UNC13B: variants seen among roughly 807,000 people sequenced by gnomAD.
UNC13B encodes protein unc-13 homolog B.
A neutral mutation model predicts 211.0 loss-of-function variants in UNC13B; 144 were observed. The observed-to-expected ratio is 0.68, with a 90% confidence interval of 0.60 to 0.78. The LOEUF (loss-of-function observed/expected upper bound fraction) is 0.78, where lower values mean the gene tolerates loss of function less well. Among genes scored for constraint, UNC13B ranks in the 30% least tolerant of loss-of-function variants. The pLI is 0.00. For missense variants in UNC13B, 1,777 were observed against 2,002.0 expected, an observed-to-expected ratio of 0.89 and a Z score of 2.14; for synonymous variants, 709 against 725.8, an observed-to-expected ratio of 0.98 and a Z score of 0.37.
At chr9:35,313,709 T>C (rs1830308074) in intron 10 of UNC13B, among the ~76,000 whole-genome samples, 190 bp from the exon 11 acceptor site, 1 of 151,918 alleles carries the variant, frequency 6.6e-6, no homozygotes, top group Admixed American at 6.6e-5. Flanking sequence ...AAAGGAGTTA[T>C]CGTTTTAGAG....
intron 35 of UNC13B, 27 bp downstream of exon 35, chr9:35,399,475 C>A (rs1836136932): frequency 2.5e-6 from 4 of 1,613,934 alleles, no homozygotes; most frequent in Non-Finnish European, 8.5e-7. Context: ...GTCCTCCTGG[C>A]AGGTGTGGTC....
At chr9:35,320,698 A>G (rs1235587656) in intron 11 of UNC13B, among the ~76,000 whole-genome samples, 1 of 152,102 alleles carries the variant, frequency 6.6e-6, no homozygotes, top group East Asian at 1.9e-4. Context: ...GACTCTTTGC[A>G]TATTTTTTTC....
At chr9:35,324,846 A>C (rs576052662) in intron 11 of UNC13B, among the ~76,000 whole-genome samples, 1 of 152,256 alleles carries the variant, frequency 6.6e-6, no homozygotes, top group African/African-American at 2.4e-5. Context: ...CCTATCACCT[A>C]TATGTGGGTT....
intron 1 of UNC13B, among the ~76,000 whole-genome samples, chr9:35,210,001 A>T (rs920904882): frequency 1.3e-5 from 2 of 152,092 alleles, no homozygotes; most frequent in African/African-American, 4.8e-5. Context: ...CCACTTTGGG[A>T]GGCCAAGGTG....
At chr9:35,321,150 A>G (rs1830718453) in intron 11 of UNC13B, among the ~76,000 whole-genome samples, 1 of 152,130 alleles carries the variant, frequency 6.6e-6, no homozygotes. Flanking sequence ...TATTTTTGAA[A>G]ACATGATTTA....
intron 1 of UNC13B, among the ~76,000 whole-genome samples, chr9:35,216,579 T>C (rs983368865): frequency 1.3e-5 from 2 of 152,136 alleles, no homozygotes; most frequent in African/African-American, 2.4e-5. Context: ...ACAGAAACTT[T>C]TGGACAATAA....
intron 1 of UNC13B, among the ~76,000 whole-genome samples, chr9:35,169,681 A>G (rs767525627): frequency 3.3e-5 from 5 of 152,108 alleles, no homozygotes; most frequent in Non-Finnish European, 7.4e-5. Flanking sequence ...CAGGAAGTTG[A>G]TTGTGCTTTG....
chr9:35,378,481 G>A, intron 17 of UNC13B, 45 bp downstream of exon 17: 2 of 1,611,420 alleles, frequency 1.2e-6, no homozygotes, highest in South Asian at 1.1e-5. Flanking sequence ...GTGTGTATTG[G>A]GGGAGCAGGA....
In UNC13B at chr9:35,162,109, G is replaced by T. The variant is rs1024746207; in HGVS notation, c.-175G>T. ...ACCGCTACCCGGAGTTCGCTCAGAC[G>T]GTGAGATTTGGGGCGGGTCCGAGGC... is the stretch of plus-strand genomic sequence containing the variant. On this transcript the variant is annotated 5_prime_UTR_variant, in exon 1 of 40. Transcript: ENST00000635942. 12 of 954,852 alleles carry T rather than the reference G, an allele frequency of 1.3e-5. No homozygotes were observed. The Admixed American group carries it at 2.7e-4, about 21-fold the overall frequency. The allele number at this position is 954,852 out of a possible 1,614,324, so 59.1% of individuals were successfully genotyped here. A position where few individuals can be genotyped will look rare whatever the true frequency, so the allele number is the denominator to read the frequency against.
chr9:35,339,452 T>C (rs892064570), intron 11 of UNC13B, among the ~76,000 whole-genome samples: 1 of 152,250 alleles, frequency 6.6e-6, no homozygotes, highest in African/African-American at 2.4e-5. Flanking sequence ...TGAGGAGTCC[T>C]GATGTCCTTT....
intron 1 of UNC13B, among the ~76,000 whole-genome samples, chr9:35,177,966 C>A (rs1471682376): frequency 1.3e-5 from 2 of 152,174 alleles, no homozygotes; most frequent in East Asian, 3.8e-4. Context: ...AGAATAACAA[C>A]TTCTGGGGAG....
rs1278682701 is a variant in UNC13B at position 35,306,182 on chromosome 9, A to G, written c.6778A>G (p.Thr2260Ala). The G allele has an allele frequency of 2.5e-6, 1 of 398,916 alleles. No individual in the cohort carries two copies. Among genetic ancestry groups the G allele is most frequent in the African/African-American group, 2.1e-5 (1 of 48,624 alleles). The allele number at this position is 398,916 out of a possible 1,614,324, so 24.7% of individuals were successfully genotyped here. ...TTTTGTAGAGAGTGGTAGCACAATG[A>G]CCAGAGAAAGTTCCAGTGGTCATAG... ...NVFVESGSTM[T>A]RESSSGHRDS... is the part of the protein sequence containing the mutation. Residue 2260 changes from threonine to alanine, a missense_variant, in exon 9 of 40, where the codon ACC becomes GCC. Coordinates refer to ENST00000635942, the MANE Select transcript of UNC13B (RefSeq NM_001371189.2).
Position 35,304,486 on chromosome 9 carries a change from T to C in UNC13B, c.5082T>C (p.Asp1694=). ...TTAGTAATCATGTCTCAAGCAGAGA[T>C]CAAATTATAGAGAGAGATAAAAACC... ...QTISNHVSSR[D]QIIERDKNQP... Residue 1694 remains aspartate, a synonymous_variant, in exon 9 of 40, where the codon GAT becomes GAC. Transcript: ENST00000635942. The C allele has an allele frequency of 2.5e-6, 1 of 398,498 alleles. No individual in the cohort carries two copies. The highest frequency in any genetic ancestry group is 4.4e-6 in the Non-Finnish European group (1 of 225,824). 24.7% of individuals were successfully genotyped at this position (398,498 alleles called of 1,614,324 possible).
intron 7 of UNC13B, 128 bp from the exon 8 acceptor site, chr9:35,295,568 G>A: frequency 1.3e-6 from 1 of 777,864 alleles, no homozygotes; most frequent in South Asian, 1.8e-5. Flanking sequence ...TCGTCACTGG[G>A]CTCATGTGAA....
intron 9 of UNC13B, 87 bp from the exon 10 acceptor site, chr9:35,310,380 A>G: frequency 2.2e-6 from 3 of 1,362,862 alleles, no homozygotes; most frequent in Non-Finnish European, 3.0e-6. Context: ...CTACTAATGT[A>G]GTCATTATTT....
rs1431623830 is a variant in UNC13B, at chr9:35,398,591, A to T, written c.11870A>T (p.Gln3957Leu). 1 of 1,613,954 alleles carries T rather than the reference A, an allele frequency of 6.2e-7. No individual in the cohort carries two copies. Among genetic ancestry groups the T allele is most frequent in the Non-Finnish European group, 8.5e-7 (1 of 1,180,032 alleles). ...GCTGCAGACAGTCTGAAGGAGCTGC[A>T]GGTGAAACTGAATACGGTTCTGGAT... is the stretch of plus-strand genomic sequence containing the variant. The part of the protein sequence containing the change: ...LEAADSLKEL[Q>L]VKLNTVLDEL... The change falls in exon 32 of 40, where the codon CAG becomes CTG. Residue 3957 changes from glutamine to leucine, a missense_variant. Coordinates refer to ENST00000635942, the MANE Select transcript of UNC13B (RefSeq NM_001371189.2).
chr9:35,299,174 A>G (rs966180633), intron 8 of UNC13B, among the ~76,000 whole-genome samples: 5 of 152,134 alleles, frequency 3.3e-5, no homozygotes, highest in Non-Finnish European at 7.4e-5. Context: ...GGACATTGCA[A>G]TGAGCTGAGA....
intron 2 of UNC13B, among the ~76,000 whole-genome samples, chr9:35,229,587 C>T (rs1018096549): frequency 1.3e-5 from 2 of 152,074 alleles, no homozygotes; most frequent in Admixed American, 1.3e-4. Context: ...GGATTGGCTG[C>T]TCTTGGGTTA....
At chr9:35,206,711 T>C (rs1823667754) in intron 1 of UNC13B, among the ~76,000 whole-genome samples, 1 of 151,986 alleles carries the variant, frequency 6.6e-6, no homozygotes, top group Non-Finnish European at 1.5e-5. Context: ...CCATCTCTAC[T>C]AAAAGTGCAA....
Sources: gnomAD v4.1 joint callset for allele counts (sites outside exome capture counted in the v4.1 genomes callset) on GRCh38, gnomAD v4.1.1 for gene constraint, MANE v1.5 for transcripts, NCBI Gene and HGNC (gene_info 2026-07-23, HGNC 2026-07-21) for gene names.